Variants in FERRY3 observed in about 807,000 individuals in gnomAD.
FERRY3 encodes the protein protein C12orf4.
At chr12:4,524,645 T>C in the FERRY3 span, among the ~76,000 whole-genome samples, 1 of 152,226 alleles carries the variant, frequency 6.6e-6, no homozygotes, top group Non-Finnish European at 1.5e-5. Context: ...CTGAATATAC[T>C]TTAGGATTTG....
At chr12:4,517,310 A>G in the FERRY3 span, 2 of 1,088,728 alleles carry the variant, frequency 1.8e-6, no homozygotes, top group Non-Finnish European at 2.4e-6. Context: ...AAGATTTCTT[A>G]TACTTGTCTT....
the FERRY3 span, among the ~76,000 whole-genome samples, chr12:4,528,896 TACAC>T: frequency 0.15 from 19,921 of 131,296 alleles, 1,314 homozygotes; most frequent in East Asian, 0.2. Flanking sequence ...TTAAATCAGT[TACAC>T]ACACACACAC....
At chr12:4,537,000 C>T in the FERRY3 span, among the ~76,000 whole-genome samples, 1 of 152,302 alleles carries the variant, frequency 6.6e-6, no homozygotes, top group South Asian at 2.1e-4. Flanking sequence ...CTTTCTATGA[C>T]ATTCCATTGC....
the FERRY3 span, chr12:4,489,931 T>C: frequency 1.5e-6 from 2 of 1,324,918 alleles, no homozygotes; most frequent in Non-Finnish European, 2.2e-6. Context: ...ATTGCACTTG[T>C]TAAATCATCA....
the FERRY3 span, among the ~76,000 whole-genome samples, chr12:4,499,082 T>C: frequency 6.6e-6 from 1 of 152,264 alleles, no homozygotes; most frequent in Non-Finnish European, 1.5e-5. Flanking sequence ...TAAAATCTTT[T>C]ACACTGTCCT....
the FERRY3 span, among the ~76,000 whole-genome samples, chr12:4,492,333 CTGTTA>C: frequency 6.6e-6 from 1 of 152,302 alleles, no homozygotes; most frequent in Admixed American, 6.5e-5. Flanking sequence ...TGCATTCAAT[CTGTTA>C]TATTATCACA....
At chr12:4,500,093 T>G in the FERRY3 span, 4 of 1,538,308 alleles carry the variant, frequency 2.6e-6, no homozygotes, top group Non-Finnish European at 3.6e-6. Flanking sequence ...ATCAATATTA[T>G]GATTATGTAA....
the FERRY3 span, chr12:4,536,247 C>A: frequency 1.5e-5 from 19 of 1,251,372 alleles, no homozygotes; most frequent in African/African-American, 2.5e-4. Flanking sequence ...GGTTATAAGT[C>A]CATAAAGAAA....
chr12:4,488,912 G>GA, the FERRY3 span: 1 of 152,168 alleles, frequency 6.6e-6, no homozygotes, highest in Non-Finnish European at 1.5e-5. The surrounding 1 kb of genome is among the most constrained non-coding windows in gnomAD (Gnocchi z 4.9). Context: ...GTACCATAAG[G>GA]AAAAACAATG....
At chr12:4,507,087 T>C in the FERRY3 span, among the ~76,000 whole-genome samples, 13 of 152,280 alleles carry the variant, frequency 8.5e-5, no homozygotes, top group East Asian at 2.3e-3. Context: ...TTCCTGTCAT[T>C]GACTGCACAC....
the FERRY3 span, chr12:4,502,332 A>G: frequency 9.4e-6 from 4 of 424,094 alleles, no homozygotes; most frequent in Admixed American, 2.9e-5. The surrounding 1 kb of genome is among the most constrained non-coding windows in gnomAD (Gnocchi z 4.2). Flanking sequence ...AAGGTACTCG[A>G]TAAGTATTTG....
At chr12:4,532,491 C>T in the FERRY3 span, among the ~76,000 whole-genome samples, 1 of 152,174 alleles carries the variant, frequency 6.6e-6, no homozygotes, top group South Asian at 2.1e-4. Context: ...TCTTTTACCC[C>T]TGTACCACCA....
the FERRY3 span, chr12:4,505,219 A>G: frequency 1.2e-6 from 1 of 840,242 alleles, no homozygotes. Context: ...AAAATCATAG[A>G]TTTAAAACAT....
At chr12:4,504,279 T>C in the FERRY3 span, among the ~76,000 whole-genome samples, 1 of 152,262 alleles carries the variant, frequency 6.6e-6, no homozygotes, top group Non-Finnish European at 1.5e-5. Context: ...TGTGAGAAAA[T>C]TACCTTAAAG....
the FERRY3 span, among the ~76,000 whole-genome samples, chr12:4,537,349 A>G: frequency 5.3e-5 from 8 of 152,206 alleles, no homozygotes; most frequent in African/African-American, 1.7e-4. Flanking sequence ...ACTTATTTGA[A>G]TCATGGCACT....
the FERRY3 span, among the ~76,000 whole-genome samples, chr12:4,522,708 T>C: frequency 6.6e-6 from 1 of 152,206 alleles, no homozygotes; most frequent in Non-Finnish European, 1.5e-5. Context: ...AAAACACATG[T>C]CTACACAAGA....
chr12:4,528,994 A>C, the FERRY3 span, among the ~76,000 whole-genome samples: 53 of 151,820 alleles, frequency 3.5e-4, no homozygotes, highest in Non-Finnish European at 5.9e-4. Context: ...CACTAAAACT[A>C]TTATCTTAAT....
At chr12:4,497,765 T>C in the FERRY3 span, among the ~76,000 whole-genome samples, 2 of 152,206 alleles carry the variant, frequency 1.3e-5, no homozygotes, top group Admixed American at 6.5e-5. Context: ...CTTTATTCTT[T>C]TTAAACTGCA....
At chr12:4,536,514 G>A in the FERRY3 span, among the ~76,000 whole-genome samples, 2 of 152,132 alleles carry the variant, frequency 1.3e-5, no homozygotes, top group Non-Finnish European at 2.9e-5. Context: ...ACCATGGAGA[G>A]AAGAGCAGAG....
Sources: gnomAD v4.1 joint callset for allele counts (sites outside exome capture counted in the v4.1 genomes callset) on GRCh38, gnomAD v4.1.1 for gene constraint, Gnocchi (gnomAD v3.1) non-coding constraint, MANE v1.5 for transcripts, NCBI Gene and HGNC (gene_info 2026-07-23, HGNC 2026-07-21) for gene names.